Variants in MAPK10 observed in about 807,000 individuals in gnomAD.
MAPK10 encodes JNK3 alpha protein kinase.
In MAPK10, 25 loss-of-function variants were observed where a neutral mutation model predicts 59.3. The observed-to-expected ratio is 0.42, with a 90% CI of 0.31 to 0.59. The LOEUF (loss-of-function observed/expected upper bound fraction) is 0.59. MAPK10 is among the 20% of genes least tolerant of loss of function. MAPK10 has a pLI of 0.15. For synonymous variants in MAPK10, 190 were observed against 200.5 expected (o/e 0.95, Z 0.44); for missense variants, 351 against 568.9 (o/e 0.62, Z 3.90).
intron 4 of MAPK10, among the ~76,000 whole-genome samples, chr4:86,135,050 T>G (rs1180176605): frequency 6.6e-6 from 1 of 152,148 alleles, no homozygotes. Context: ...CAAGGAGTCT[T>G]GCTGATTCCT....
rs113051056 is a variant in MAPK10, at chr4:86,051,526, C to T, written c.1110+12740G>A. On this transcript the variant is annotated intron_variant, in intron 11 of 13. Coordinates refer to ENST00000641462, the MANE Select transcript of MAPK10 (RefSeq NM_138982.4). ...TCTATGTAGAGTTGTGATGACATTC[C>T]GACTTCATGTCTATAGCTTTCATTT... 4.3e-3 allele frequency among the ~76,000 whole-genome samples: 659 copies of T among 152,252 alleles called. 31 individuals are homozygous for T. The East Asian group carries it at 0.1, about 24-fold the overall frequency.
chr4:86,089,344 C>T (rs1197715145), intron 9 of MAPK10: 1 of 1,060,004 alleles, frequency 9.4e-7, no homozygotes, highest in Non-Finnish European at 1.4e-6. Context: ...AATGAAAACA[C>T]TGGGCTACTC....
chr4:86,326,167 A>T (rs2096017351), intron 2 of MAPK10: 1 of 152,200 alleles, frequency 6.6e-6, no homozygotes, highest in African/African-American at 2.4e-5. Flanking sequence ...ACAAGTAGAG[A>T]ACATTCCAGT....
intron 2 of MAPK10, among the ~76,000 whole-genome samples, chr4:86,198,219 A>G (rs1375046143): frequency 1.3e-5 from 2 of 152,124 alleles, no homozygotes; most frequent in Non-Finnish European, 2.9e-5. Flanking sequence ...TTCTGGAGAA[A>G]AGGGTAGATC....
At chr4:86,168,439 G>C (rs150723472) in intron 3 of MAPK10, among the ~76,000 whole-genome samples, 4,179 of 152,294 alleles carry the variant, frequency 0.027, 90 homozygotes, top group South Asian at 0.041. Context: ...GGTCCTACAC[G>C]CACGGAGTCT....
chr4:86,216,258 A>C (rs1043548400), intron 2 of MAPK10, among the ~76,000 whole-genome samples: 1 of 122,062 alleles, frequency 8.2e-6, no homozygotes, highest in Non-Finnish European at 1.6e-5. Flanking sequence ...AAAATGTGCT[A>C]TATATATATA....
intron 9 of MAPK10, among the ~76,000 whole-genome samples, chr4:86,075,825 C>T (rs1268305516): frequency 6.6e-6 from 1 of 152,158 alleles, no homozygotes; most frequent in African/African-American, 2.4e-5. Flanking sequence ...TTTAAGTCTG[C>T]AGAGGTTACT....
At chr4:86,526,266 T>C (rs755532766) in intron 1 of MAPK10, among the ~76,000 whole-genome samples, 2 of 152,156 alleles carry the variant, frequency 1.3e-5, no homozygotes, top group Non-Finnish European at 2.9e-5. Flanking sequence ...CTCTTCAGGG[T>C]TCAATTTCTT....
At chr4:86,461,233 G>A (rs1054536172) in intron 1 of MAPK10, among the ~76,000 whole-genome samples, 13 of 152,034 alleles carry the variant, frequency 8.6e-5, no homozygotes, top group East Asian at 1.9e-4. Context: ...TGCCCAAGGC[G>A]GTTGGTTTAC....
chr4:86,130,186 GT>G (rs2060755416), intron 4 of MAPK10, among the ~76,000 whole-genome samples: 1 of 152,058 alleles, frequency 6.6e-6, no homozygotes, highest in Non-Finnish European at 1.5e-5. Flanking sequence ...ATTTCAAGTT[GT>G]TGTGAGCTAT....
intron 1 of MAPK10, among the ~76,000 whole-genome samples, chr4:86,471,396 T>C (rs1752654352): frequency 6.6e-6 from 1 of 152,070 alleles, no homozygotes; most frequent in Admixed American, 6.6e-5. Context: ...GTTAAACTGA[T>C]GTATTCTTAC....
chr4:86,220,272 C>T (rs1214312029), intron 2 of MAPK10, among the ~76,000 whole-genome samples: 1 of 152,054 alleles, frequency 6.6e-6, no homozygotes, highest in Non-Finnish European at 1.5e-5. Flanking sequence ...AATGACTGGC[C>T]TGTATGGAGC....
chr4:86,029,650 C>T (rs899271844), intron 12 of MAPK10, among the ~76,000 whole-genome samples: 4 of 151,958 alleles, frequency 2.6e-5, no homozygotes, highest in African/African-American at 7.3e-5. Context: ...TACTTGTTTT[C>T]TGAATTCTTT....
At chr4:86,320,557 GC>G (rs2095868936) in intron 2 of MAPK10, among the ~76,000 whole-genome samples, 1 of 152,156 alleles carries the variant, frequency 6.6e-6, no homozygotes, top group Admixed American at 6.5e-5. Context: ...CTGGATATTA[GC>G]CCTTTGTCAG....
At chr4:86,324,066 G>A (rs2095964171) in intron 2 of MAPK10, among the ~76,000 whole-genome samples, 1 of 152,112 alleles carries the variant, frequency 6.6e-6, no homozygotes, top group South Asian at 2.1e-4. Flanking sequence ...TTTTAGAGAA[G>A]CAACATCAAC....
chr4:86,577,986 G>T (rs896848332), intron 1 of MAPK10, among the ~76,000 whole-genome samples: 5 of 152,054 alleles, frequency 3.3e-5, no homozygotes, highest in African/African-American at 1.2e-4. Context: ...TTGGAATTAA[G>T]GTTGGTATTA....
chr4:86,506,296 T>C (rs12508156), intron 1 of MAPK10, among the ~76,000 whole-genome samples: 1,956 of 152,268 alleles, frequency 0.013, 11 homozygotes, highest in African/African-American at 0.015. Flanking sequence ...GTGAGGGATA[T>C]GCTAGAAAGG....
chr4:86,147,058 T>C (rs1011372363), intron 4 of MAPK10, among the ~76,000 whole-genome samples: 4 of 152,094 alleles, frequency 2.6e-5, no homozygotes, highest in Admixed American at 6.6e-5. Flanking sequence ...TATTTTGTTT[T>C]GATTAATATA....
intron 1 of MAPK10, among the ~76,000 whole-genome samples, chr4:86,531,861 C>T (rs1316084569): frequency 6.6e-6 from 1 of 151,996 alleles, no homozygotes; most frequent in African/African-American, 2.4e-5. Context: ...AGCCACTCAT[C>T]TCCAAACTGG....
Sources: gnomAD v4.1 joint callset for allele counts (sites outside exome capture counted in the v4.1 genomes callset) on GRCh38, gnomAD v4.1.1 for gene constraint, MANE v1.5 for transcripts, NCBI Gene and HGNC (gene_info 2026-07-23, HGNC 2026-07-21) for gene names.